LMLN: variants seen among roughly 807,000 people sequenced by gnomAD.
LMLN encodes the protein leishmanolysin-like peptidase.
In LMLN, 70 loss-of-function variants were observed where a neutral mutation model predicts 92.3. The observed-to-expected ratio is 0.76, with a 90% CI of 0.63 to 0.92. The LOEUF (loss-of-function observed/expected upper bound fraction) is 0.92. Ranked by LOEUF, LMLN falls within the 40% of genes least tolerant of loss-of-function variation. LMLN has a pLI of 0.00. For missense variants in LMLN, 691 were observed against 814.6 expected (o/e 0.85, Z 1.85); for synonymous variants, 308 against 296.2 (o/e 1.04, Z -0.41).
chr3:198,032,701 T>C (rs1723110073), intron 14 of LMLN, among the ~76,000 whole-genome samples: 1 of 152,120 alleles, frequency 6.6e-6, no homozygotes, highest in South Asian at 2.1e-4. Context: ...GGGGAACTTA[T>C]TCCTGTGGGG....
At chr3:198,014,281 T>A (rs1344290556) in intron 11 of LMLN, among the ~76,000 whole-genome samples, 6 of 138,692 alleles carry the variant, frequency 4.3e-5, no homozygotes, top group South Asian at 2.4e-4. Flanking sequence ...CTCTCCACCC[T>A]TCAGAGTCCC....
chr3:198,021,363 G>C, intron 12 of LMLN, 83 bp from the exon 14 acceptor site: 1 of 1,185,408 alleles, frequency 8.4e-7, no homozygotes, highest in East Asian at 2.3e-5. Flanking sequence ...GCATTAAAGG[G>C]TTGCGAGAAA....
intron 1 of LMLN, among the ~76,000 whole-genome samples, chr3:197,969,021 T>G (rs6422712): frequency 1 from 151,973 of 152,238 alleles, 75,855 homozygotes; most frequent in East Asian, 1. Flanking sequence ...ATCTCTAAAT[T>G]GCTGGAAAGT....
At chr3:198,022,801 G>T (rs992939781) in intron 13 of LMLN, among the ~76,000 whole-genome samples, 3 of 152,210 alleles carry the variant, frequency 2.0e-5, no homozygotes, top group Non-Finnish European at 4.4e-5. Context: ...GGAGTTTGCA[G>T]TGAGTCGAGA....
At chr3:197,993,146 G>A (rs1721921954) in intron 9 of LMLN, among the ~76,000 whole-genome samples, 1 of 151,988 alleles carries the variant, frequency 6.6e-6, no homozygotes, top group Non-Finnish European at 1.5e-5. Flanking sequence ...CACAATAAAG[G>A]CCATATAAGA....
intron 1 of LMLN, among the ~76,000 whole-genome samples, chr3:197,967,069 T>C (rs2109843405): frequency 6.6e-6 from 1 of 152,376 alleles, no homozygotes; most frequent in Non-Finnish European, 1.5e-5. Flanking sequence ...GCTCTGGGAT[T>C]GTAAGTGTGA....
At chr3:197,990,712 C>G in intron 9 of LMLN, 36 bp downstream of exon 9, 1 of 1,017,740 alleles carries the variant, frequency 9.8e-7, no homozygotes, top group South Asian at 1.3e-5. Context: ...CATGAGCCAT[C>G]TGTTCTTTTC....
intron 9 of LMLN, among the ~76,000 whole-genome samples, chr3:197,995,829 C>T (rs1722002586): frequency 6.6e-6 from 1 of 152,012 alleles, no homozygotes; most frequent in Admixed American, 6.6e-5. Context: ...CTCTGTACTC[C>T]ATAAATATAT....
At chr3:198,036,011 C>T in exon 15 of LMLN, 1 of 1,613,830 alleles carries the variant, frequency 6.2e-7, no homozygotes, top group Non-Finnish European at 8.5e-7. Flanking sequence ...ACAGATCCTC[C>T]AGCCACTAAC....
chr3:198,000,548 C>G (rs967650912), intron 11 of LMLN, among the ~76,000 whole-genome samples: 4 of 152,174 alleles, frequency 2.6e-5, no homozygotes, highest in African/African-American at 9.7e-5. Flanking sequence ...CTGCCTCAGC[C>G]TCCTGAGTAG....
At chr3:198,010,605 C>T (rs1301553077) in intron 11 of LMLN, among the ~76,000 whole-genome samples, 1 of 152,110 alleles carries the variant, frequency 6.6e-6, no homozygotes, top group Non-Finnish European at 1.5e-5. Context: ...CACACACCCC[C>T]ACACCCAGCT....
chr3:197,976,816 C>T, intron 5 of LMLN, 101 bp downstream of exon 5: 1 of 514,362 alleles, frequency 1.9e-6, no homozygotes, highest in Non-Finnish European at 3.5e-6. Context: ...GGCTTAGTAG[C>T]TTCCTTGGTC....
intron 1 of LMLN, among the ~76,000 whole-genome samples, chr3:197,964,451 A>G (rs78889649): frequency 0.014 from 2,072 of 148,122 alleles, 46 homozygotes; most frequent in African/African-American, 0.047. Flanking sequence ...CCCAGGCTGG[A>G]GTGCAGTGGC....
At position 198,019,454 on chromosome 3, in the gene LMLN, A is replaced by G; in HGVS notation, c.1365+69A>G. 2.1e-6 allele frequency: 3 copies of G among 1,445,792 alleles called. No individual in the cohort carries two copies. Among genetic ancestry groups the G allele is most frequent in the Non-Finnish European group, 2.8e-6 (3 of 1,070,666 alleles). 89.6% of individuals were successfully genotyped at this position (1,445,792 alleles called of 1,614,324 possible). A position where few individuals can be genotyped will look rare whatever the true frequency, so the allele number is the denominator to read the frequency against. ...AAGTAGTCTCCATTTTAACTAAAAGAGTAAATTCTCTTAAGATTCTTAATT... is the reference window on the plus strand; with the variant it reads ...AAGTAGTCTCCATTTTAACTAAAAGGGTAAATTCTCTTAAGATTCTTAATT... On this transcript the variant is annotated intron_variant, in intron 12 of 15. Coordinates refer to ENST00000330198, the Ensembl canonical transcript of LMLN. The surrounding 1 kb of genome is among the most constrained non-coding windows in gnomAD (Gnocchi z 5.5).
intron 1 of LMLN, among the ~76,000 whole-genome samples, chr3:197,971,528 T>C (rs1488917816): frequency 1.3e-5 from 2 of 152,206 alleles, no homozygotes; most frequent in Non-Finnish European, 1.5e-5. Context: ...TCTCATTGCT[T>C]TCAATATTTT....
At position 198,031,620 on chromosome 3, in the gene LMLN, T is replaced by C. The variant is rs1046162036; in HGVS notation, c.1657-4213T>C. The stretch of plus-strand genomic sequence containing the variant: ...TCAGAATTCTGAAAGCATTTTTCCT[T>C]TGTGTGCTGACTGTCAGTGTCATTC... On this transcript the variant is annotated intron_variant, in intron 14 of 15. Transcript: ENST00000330198. The surrounding 1 kb of genome is among the most constrained non-coding windows in gnomAD (Gnocchi z 4.8). Among the ~76,000 whole-genome samples, 1 of 152,224 alleles carries C rather than the reference T, an allele frequency of 6.6e-6. No homozygotes were observed. Among genetic ancestry groups the C allele is most frequent in the African/African-American group, 2.4e-5 (1 of 41,444 alleles).
In LMLN at chr3:198,019,996, G is replaced by GT. The variant is rs1372191403; in HGVS notation, c.1365+614dup. On this transcript the variant is annotated intron_variant, in intron 12 of 15. Coordinates refer to ENST00000330198, the Ensembl canonical transcript of LMLN. This position sits in a 1 kb window ranked among gnomAD's most constrained non-coding sequence, Gnocchi z 5.5. ...GTGCCTCAGCCTCCCGAGTAGCTGGGTTTACAGCTGCAAGCCACCATGCCT... is the reference window on the plus strand; with the variant it reads ...GTGCCTCAGCCTCCCGAGTAGCTGGGTTTTACAGCTGCAAGCCACCATGCCT... Among the ~76,000 whole-genome samples, 7 of 152,134 alleles carry GT rather than the reference G, an allele frequency of 4.6e-5. No homozygotes were observed. The highest frequency in any genetic ancestry group is 1.7e-4 in the African/African-American group (7 of 41,428).
At position 198,019,526 on chromosome 3, in the gene LMLN, T is replaced by C; in HGVS notation, c.1365+141T>C. On this transcript the variant is annotated intron_variant, in intron 12 of 15. Transcript: ENST00000330198. The surrounding 1 kb of genome is among the most constrained non-coding windows in gnomAD (Gnocchi z 5.5). ...TGTAAGTTAGAAAAAAATGGAATAA[T>C]GCTTCCATTTCTTTAAAACTAATGT... is the stretch of plus-strand genomic sequence containing the variant. The C allele has an allele frequency of 1.2e-6, 1 of 806,762 alleles. No individual in the cohort carries two copies. Among genetic ancestry groups the C allele is most frequent in the Non-Finnish European group, 1.9e-6 (1 of 536,860 alleles). 50.0% of individuals were successfully genotyped at this position (806,762 alleles called of 1,614,324 possible).
exon 16 of LMLN, chr3:198,038,787 G>A: frequency 1.3e-6 from 1 of 777,816 alleles, no homozygotes; most frequent in East Asian, 2.5e-5. Context: ...GCTTTGGCTT[G>A]GAAGAATTGA....
Sources: allele counts gnomAD v4.1 joint callset (sites outside exome capture counted in the v4.1 genomes callset), GRCh38; gene constraint gnomAD v4.1.1; non-coding constraint Gnocchi (gnomAD v3.1); transcripts MANE v1.5; gene names NCBI Gene and HGNC (gene_info 2026-07-23, HGNC 2026-07-21).